The following VPS35 variants were observed in gnomAD, a reference collection of about 807,000 sequenced individuals.
VPS35 encodes the protein VPS35 retromer complex component, also known as vacuolar protein sorting-associated protein 35.
Under a neutral mutation model 98.1 loss-of-function variants are expected in VPS35, and 21 were observed. That is an observed-to-expected ratio of 0.21 (90% CI 0.15 to 0.31). The LOEUF is 0.31. Ranked by LOEUF, VPS35 falls within the 10% of genes least tolerant of loss-of-function variation. The pLI is 1.00. For missense variants in VPS35, 554 were observed against 950.8 expected (o/e 0.58, Z 5.49); for synonymous variants, 268 against 318.2 (o/e 0.84, Z 1.68).
intron 6 of VPS35, among the ~76,000 whole-genome samples, chr16:46,678,603 A>T (rs769268358): frequency 6.6e-6 from 1 of 152,140 alleles, no homozygotes; most frequent in Non-Finnish European, 1.5e-5. Context: ...GGGTCTTTCA[A>T]CTTGTTCTTC....
intron 3 of VPS35, 34 bp from the exon 4 acceptor site, chr16:46,681,534 T>C: frequency 6.2e-7 from 1 of 1,609,608 alleles, no homozygotes; most frequent in Non-Finnish European, 8.5e-7. Context: ...AAAATAAAAA[T>C]AAGCCAACCT....
intron 10 of VPS35, among the ~76,000 whole-genome samples, chr16:46,672,840 T>C (rs1272890639): frequency 2.0e-5 from 3 of 152,164 alleles, no homozygotes; most frequent in Non-Finnish European, 4.4e-5. Flanking sequence ...ATATTCATGA[T>C]GAAAATAAAT....
In VPS35 at chr16:46,661,496, C is replaced by T; in HGVS notation, c.2211+222G>A. ...CTGCCTGCCTCAGCCTCCCAAAGTG[C>T]TGGGATTACAGGCATGAGCCACCAC... is the stretch of plus-strand genomic sequence containing the variant. On this transcript the variant is annotated intron_variant, in intron 16 of 16. Coordinates refer to ENST00000299138, the MANE Select transcript of VPS35 (RefSeq NM_018206.6). The surrounding 1 kb of genome is among the most constrained non-coding windows in gnomAD (Gnocchi z 4.3). 2.3e-6 allele frequency: 1 copy of T among 437,146 alleles called. No individual in the cohort carries two copies. Among genetic ancestry groups the T allele is most frequent in the South Asian group, 2.2e-5 (1 of 46,334 alleles). 27.1% of individuals were successfully genotyped at this position (437,146 alleles called of 1,614,324 possible). A position where few individuals can be genotyped will look rare whatever the true frequency, so the allele number is the denominator to read the frequency against.
At chr16:46,684,638 TCCA>T (rs1187767777) in intron 1 of VPS35, among the ~76,000 whole-genome samples, 1 of 152,202 alleles carries the variant, frequency 6.6e-6, no homozygotes, top group Non-Finnish European at 1.5e-5. Context: ...TGTTTACATC[TCCA>T]CCACAGCATG....
rs966909497 is a variant in VPS35 at position 46,666,316 on chromosome 16, T to G, written c.1647+2614A>C. ...GGAGTTTCACTCTTGTTGCCCAGGC[T>G]GAAGTGCAATGGCACGATCTCGGCT... On this transcript the variant is annotated intron_variant, in intron 13 of 16. Coordinates refer to ENST00000299138, the MANE Select transcript of VPS35 (RefSeq NM_018206.6). Among the ~76,000 whole-genome samples, 5 of 150,946 alleles carry G rather than the reference T, an allele frequency of 3.3e-5. No individual in the cohort carries two copies. The East Asian group carries it at 9.8e-4, about 29-fold the overall frequency.
rs1298772807 is a variant in VPS35 at position 46,689,099 on chromosome 16, GACCCAGGTGCCACTGC to G, written c.3+16_3+31del. On this transcript the variant is annotated intron_variant, in intron 1 of 16. Transcript: ENST00000299138. ...GAGAGCAGGGGCTACAAGGAGGGTC[GACCCAGGTGCCACTGC>G]CCCCTCAGCACTCACCATGGCGACT... 1 of 1,605,366 alleles carries G rather than the reference GACCCAGGTGCCACTGC, an allele frequency of 6.2e-7. No individual in the cohort carries two copies. Among genetic ancestry groups the G allele is most frequent in the Non-Finnish European group, 8.5e-7 (1 of 1,176,948 alleles).
intron 1 of VPS35, 35 bp downstream of exon 1, chr16:46,689,096 G>A (rs749720776): frequency 4.4e-6 from 7 of 1,604,568 alleles, no homozygotes; most frequent in African/African-American, 2.7e-5. Context: ...TACAAGGAGG[G>A]TCGACCCAGG....
chr16:46,677,306 C>T lies in VPS35; in HGVS notation c.804+9G>A. On this transcript the variant is annotated intron_variant, in intron 7 of 16. Coordinates refer to ENST00000299138, the MANE Select transcript of VPS35 (RefSeq NM_018206.6). ...GTCGTTTAAAAAAAAATGAAATGTTCCCAGCTACCTGAATAATACACTCCA... is the reference window on the plus strand; with the variant it reads ...GTCGTTTAAAAAAAAATGAAATGTTTCCAGCTACCTGAATAATACACTCCA... 1 of 1,611,758 alleles carries T rather than the reference C, an allele frequency of 6.2e-7. No homozygotes were observed. Among genetic ancestry groups the T allele is most frequent in the Middle Eastern group, 1.7e-4 (1 of 6,056 alleles).
chr16:46,684,035 A>G (rs1221135996), intron 1 of VPS35, among the ~76,000 whole-genome samples: 1 of 152,132 alleles, frequency 6.6e-6, no homozygotes, highest in Non-Finnish European at 1.5e-5. Flanking sequence ...CCATTTACCA[A>G]TTATTAACAG....
At chr16:46,660,998 T>C in intron 16 of VPS35, 1 of 363,394 alleles carries the variant, frequency 2.8e-6, no homozygotes, top group Admixed American at 3.8e-5. Context: ...AATACAAAAA[T>C]TAGCTGGGCG....
intron 1 of VPS35, among the ~76,000 whole-genome samples, chr16:46,684,680 AT>A (rs1230198084): frequency 1.3e-5 from 2 of 152,176 alleles, no homozygotes; most frequent in Non-Finnish European, 2.9e-5. Flanking sequence ...AATGACGGTC[AT>A]TTTTACATCC....
intron 15 of VPS35, 125 bp downstream of exon 15, chr16:46,662,118 A>G: frequency 6.4e-7 from 1 of 1,558,644 alleles, no homozygotes. Context: ...TTTTAACAAA[A>G]CAAAGCAATT....
In VPS35 at chr16:46,660,273, T is replaced by C. The variant is rs1343504237; in HGVS notation, c.*199A>G. 2 of 447,488 alleles carry C rather than the reference T, an allele frequency of 4.5e-6. No homozygotes were observed. Among genetic ancestry groups the C allele is most frequent in the Non-Finnish European group, 8.0e-6 (2 of 250,214 alleles). The allele number at this position is 447,488 out of a possible 1,614,324, so 27.7% of individuals were successfully genotyped here. A position where few individuals can be genotyped will look rare whatever the true frequency, so the allele number is the denominator to read the frequency against. ...TGCTACTTGGGGTGATCAGAAAGAC[T>C]TGAACACTTACCAAGTGAATAATTT... On this transcript the variant is annotated 3_prime_UTR_variant, in exon 17 of 17. Coordinates refer to ENST00000299138, the MANE Select transcript of VPS35 (RefSeq NM_018206.6).
intron 1 of VPS35, among the ~76,000 whole-genome samples, chr16:46,687,527 G>C (rs898296562): frequency 6.6e-6 from 1 of 152,042 alleles, no homozygotes; most frequent in Non-Finnish European, 1.5e-5. Context: ...AAAATCCCCA[G>C]GCAAAACTAT....
intron 12 of VPS35, among the ~76,000 whole-genome samples, chr16:46,671,036 C>T (rs1423846342): frequency 1.3e-5 from 2 of 151,780 alleles, no homozygotes; most frequent in Non-Finnish European, 2.9e-5. Flanking sequence ...GTCACTGATA[C>T]ACCTACTCAG....
At chr16:46,664,113 G>C (rs900405548) in intron 13 of VPS35, among the ~76,000 whole-genome samples, 1 of 151,906 alleles carries the variant, frequency 6.6e-6, no homozygotes, top group Non-Finnish European at 1.5e-5. Flanking sequence ...ACCACCCACG[G>C]ATAATCACTG....
chr16:46,688,979 G>A, intron 1 of VPS35, 152 bp downstream of exon 1: 26 of 1,526,734 alleles, frequency 1.7e-5, no homozygotes, highest in Non-Finnish European at 2.3e-5. Flanking sequence ...CCTTCCTCCT[G>A]CTGTCCCCTA....
Position 46,663,862 on chromosome 16 carries a change from A to ATTTTTTTTTTTTTTTTTTTTTTTTTTT in VPS35, c.1648-727_1648-701dup, listed in dbSNP as rs546485076. On this transcript the variant is annotated intron_variant, in intron 13 of 16. Coordinates refer to ENST00000299138, the MANE Select transcript of VPS35 (RefSeq NM_018206.6). ...AGGCTTGCATCACCACACCTGGCTA[A>ATTTTTTTTTTTTTTTTTTTTTTTTTTT]TTTTTTTTTTTTTTTTTTTTTTTTT... 3.5e-4 allele frequency among the ~76,000 whole-genome samples: 10 copies of ATTTTTTTTTTTTTTTTTTTTTTTTTTT among 28,686 alleles called. 3 individuals are homozygous for ATTTTTTTTTTTTTTTTTTTTTTTTTTT. Among genetic ancestry groups the ATTTTTTTTTTTTTTTTTTTTTTTTTTT allele is most frequent in the Admixed American group, 1.6e-3 (2 of 1,282 alleles). The allele number at this position is 28,686 out of a possible 152,430, so 18.8% of individuals were successfully genotyped here.
In VPS35 at chr16:46,669,513, A is replaced by G. The variant is rs755491027; in HGVS notation, c.1525-461T>C. The stretch of plus-strand genomic sequence containing the variant: ...GAAACCCTGTATCTACTAAAAATAC[A>G]AAAATTAGCTGGGCATGGTGGCGCA... On this transcript the variant is annotated intron_variant, in intron 12 of 16. Transcript: ENST00000299138. Among the ~76,000 whole-genome samples the G allele has an allele frequency of 3.3e-5, 5 of 152,116 alleles. No homozygotes were observed. In the South Asian group the frequency reaches 1.0e-3, roughly 32 times the overall value.
Sources: allele counts gnomAD v4.1 joint callset (sites outside exome capture counted in the v4.1 genomes callset), GRCh38; gene constraint gnomAD v4.1.1; non-coding constraint Gnocchi (gnomAD v3.1); transcripts MANE v1.5; gene names NCBI Gene and HGNC (gene_info 2026-07-23, HGNC 2026-07-21).